The following WHRN variants were observed in gnomAD, a reference collection of about 807,000 sequenced individuals.
WHRN encodes whirlin.
In WHRN, 41 loss-of-function variants were observed where a neutral mutation model predicts 68.3. The observed-to-expected ratio is 0.60, with a 90% CI of 0.47 to 0.78. WHRN has a LOEUF of 0.78. Among genes scored for constraint, WHRN ranks in the 30% least tolerant of loss-of-function variants. WHRN has a pLI of 0.00. For synonymous variants in WHRN, 560 were observed against 561.3 expected (o/e 1.00, Z 0.03); for missense variants, 1,243 against 1,244.7 (o/e 1.00, Z 0.02).
intron 7 of WHRN, among the ~76,000 whole-genome samples, chr9:114,421,335 C>A (rs1465356230): frequency 1.3e-5 from 2 of 152,188 alleles, no homozygotes; most frequent in African/African-American, 4.8e-5. Context: ...GAGCTGGGGG[C>A]TCCTGACCCC....
chr9:114,435,333 C>T (rs974411142), intron 3 of WHRN, among the ~76,000 whole-genome samples: 1 of 152,198 alleles, frequency 6.6e-6, no homozygotes, highest in African/African-American at 2.4e-5. Context: ...CTAGTCCCCT[C>T]CCCATTCTGG....
intron 2 of WHRN, among the ~76,000 whole-genome samples, chr9:114,476,637 C>T (rs955686838): frequency 5.3e-5 from 8 of 152,156 alleles, no homozygotes; most frequent in African/African-American, 1.9e-4. Flanking sequence ...CCCACCACCT[C>T]CAAACTCTGG....
At chr9:114,432,253 G>A (rs888402984) in intron 3 of WHRN, among the ~76,000 whole-genome samples, 27 of 152,256 alleles carry the variant, frequency 1.8e-4, no homozygotes, top group African/African-American at 5.3e-4. Flanking sequence ...GCAGGATACC[G>A]ATTTCCCTGA....
At chr9:114,416,168 A>T (rs1835803821) in intron 7 of WHRN, among the ~76,000 whole-genome samples, 1 of 152,150 alleles carries the variant, frequency 6.6e-6, no homozygotes, top group African/African-American at 2.4e-5. Context: ...AGGGGCTGGG[A>T]GCCTCCTTCC....
rs182525547 is a variant in WHRN, at chr9:114,402,430, G to C, written c.*324C>G. ...GGGATGGGCTGGGTCCTAGCTGGAG[G>C]GGGGACAGCAGTGCCCCCAACCCAA... On this transcript the variant is annotated 3_prime_UTR_variant, in exon 12 of 12. Coordinates refer to ENST00000362057, the MANE Select transcript of WHRN (RefSeq NM_015404.4). The C allele has an allele frequency of 4.0e-5, 16 of 400,258 alleles. No homozygotes were observed. The highest frequency in any genetic ancestry group is 7.2e-5 in the South Asian group (3 of 41,716). 24.8% of individuals were successfully genotyped at this position (400,258 alleles called of 1,614,324 possible). A position where few individuals can be genotyped will look rare whatever the true frequency, so the allele number is the denominator to read the frequency against.
At chr9:114,494,930 G>GT (rs200071798) in intron 1 of WHRN, among the ~76,000 whole-genome samples, 3,211 of 146,038 alleles carry the variant, frequency 0.022, 122 homozygotes, top group African/African-American at 0.078. Context: ...ATGACACTGG[G>GT]GGGGGGAGCG....
chr9:114,499,155 T>G (rs1353314953), intron 1 of WHRN, among the ~76,000 whole-genome samples: 1 of 152,164 alleles, frequency 6.6e-6, no homozygotes. Context: ...TAACCACAAG[T>G]GCACTTGCCC....
chr9:114,421,663 A>C (rs968292056), intron 7 of WHRN, among the ~76,000 whole-genome samples: 1 of 152,224 alleles, frequency 6.6e-6, no homozygotes, highest in Non-Finnish European at 1.5e-5. Flanking sequence ...GGCCAATCTC[A>C]GTGGAGCCTA....
intron 3 of WHRN, among the ~76,000 whole-genome samples, chr9:114,457,988 T>G (rs932492818): frequency 6.6e-6 from 1 of 151,920 alleles, no homozygotes; most frequent in East Asian, 1.9e-4. Flanking sequence ...AAAATATCTC[T>G]ATCAGTGTAC....
intron 3 of WHRN, among the ~76,000 whole-genome samples, chr9:114,444,424 TATA>T (rs769399542): frequency 3.6e-4 from 55 of 152,128 alleles, no homozygotes; most frequent in Non-Finnish European, 6.9e-4. Context: ...AAAAATGATA[TATA>T]ATATTTAATC....
intron 1 of WHRN, among the ~76,000 whole-genome samples, chr9:114,481,291 T>C (rs7045728): frequency 0.052 from 7,902 of 152,290 alleles, 551 homozygotes; most frequent in African/African-American, 0.14. Flanking sequence ...AATCCCAGTC[T>C]CCAGTGGAGG....
At chr9:114,415,701 C>T (rs1417794708) in intron 7 of WHRN, among the ~76,000 whole-genome samples, 4 of 152,222 alleles carry the variant, frequency 2.6e-5, no homozygotes. Context: ...AGAGCACAGG[C>T]TCAGCCCCTG....
chr9:114,504,083 G>A (rs939318200), intron 1 of WHRN, 101 bp downstream of exon 1: 6 of 1,531,962 alleles, frequency 3.9e-6, no homozygotes, highest in Non-Finnish European at 5.3e-6. Flanking sequence ...GCCCAGAAAG[G>A]CCAAGTGATT....
At chr9:114,416,117 G>C (rs2132282198) in intron 7 of WHRN, among the ~76,000 whole-genome samples, 1 of 152,284 alleles carries the variant, frequency 6.6e-6, no homozygotes, top group African/African-American at 2.4e-5. Context: ...AGGACAGTAA[G>C]GCCTTCAGGG....
At chr9:114,413,219 G>A (rs1835577750) in intron 7 of WHRN, among the ~76,000 whole-genome samples, 1 of 152,244 alleles carries the variant, frequency 6.6e-6, no homozygotes. Flanking sequence ...AAAGAGATTA[G>A]AGGGAGAATA....
At chr9:114,492,868 C>G (rs1388625875) in intron 1 of WHRN, among the ~76,000 whole-genome samples, 1 of 151,884 alleles carries the variant, frequency 6.6e-6, no homozygotes, top group African/African-American at 2.4e-5. Flanking sequence ...ATATACACAC[C>G]ATGCTGGGCA....
At chr9:114,478,531 C>G (rs1390339819) in intron 2 of WHRN, 22 bp downstream of exon 2, 31 of 1,613,556 alleles carry the variant, frequency 1.9e-5, no homozygotes, top group Non-Finnish European at 2.5e-5. Context: ...AGAGGCTGGC[C>G]TCCTTTCCCC....
chr9:114,454,688 T>TA, intron 3 of WHRN, among the ~76,000 whole-genome samples: 1 of 126,416 alleles, frequency 7.9e-6, no homozygotes, highest in Middle Eastern at 3.6e-3. Context: ...GGAAGCTATA[T>TA]TTTTTTTTTA....
chr9:114,501,921 G>T (rs1843967986), intron 1 of WHRN, among the ~76,000 whole-genome samples: 1 of 152,160 alleles, frequency 6.6e-6, no homozygotes, highest in African/African-American at 2.4e-5. Context: ...TCAGTTAAGG[G>T]GCTTTTCGCT....
Sources: allele counts gnomAD v4.1 joint callset (sites outside exome capture counted in the v4.1 genomes callset), GRCh38; gene constraint gnomAD v4.1.1; transcripts MANE v1.5; gene names NCBI Gene and HGNC (gene_info 2026-07-23, HGNC 2026-07-21).